CSMD1: variants seen among roughly 807,000 people sequenced by gnomAD.
The protein encoded by CSMD1 is CUB and Sushi multiple domains 1, also known as CUB and sushi domain-containing protein 1.
In CSMD1, 213 loss-of-function variants were observed where a neutral mutation model predicts 417.5. The ratio of observed to expected loss-of-function variants is 0.51; its 90% confidence interval spans 0.46 to 0.57. The LOEUF is 0.57. Among genes scored for constraint, CSMD1 ranks in the 20% least tolerant of loss-of-function variants. The pLI is 0.00. For missense variants in CSMD1, 6,923 were observed against 4,529.7 expected (o/e 1.53, Z -15.17); for synonymous variants, 2,862 against 1,736.8 (o/e 1.65, Z -16.11).
chr8:4,581,059 G>T (rs751451537), intron 2 of CSMD1, among the ~76,000 whole-genome samples: 3 of 152,128 alleles, frequency 2.0e-5, no homozygotes, highest in Non-Finnish European at 4.4e-5. Context: ...GACTGCATAT[G>T]AAACTAGTTT....
Position 2,973,268 on chromosome 8 carries a change from C to G in CSMD1, c.8772G>C (p.Gly2924=), listed in dbSNP as rs765458735. 6.2e-7 allele frequency: 1 copy of G among 1,613,848 alleles called. No homozygotes were observed. The highest frequency in any genetic ancestry group is 2.2e-5 in the East Asian group (1 of 44,880). Reference sequence around the variant, plus strand: ...CAAGCCGAGACCCATGTGCTGGGGTCCCCGGATCACCACAGAATCCAGGAT... The same window carrying G: ...CAAGCCGAGACCCATGTGCTGGGGTGCCCGGATCACCACAGAATCCAGGAT... ...GNNPGFCGDP[G]TPAHGSRLGD... The change falls in exon 57 of 70, where the codon GGG becomes GGC. Residue 2924 remains glycine (G), a synonymous_variant. Coordinates refer to ENST00000635120, the MANE Select transcript of CSMD1 (RefSeq NM_033225.6).
chr8:3,234,829 C>T (rs1799055000), intron 26 of CSMD1, among the ~76,000 whole-genome samples: 1 of 152,158 alleles, frequency 6.6e-6, no homozygotes, highest in African/African-American at 2.4e-5. Flanking sequence ...AAAGGGGTAC[C>T]CTTCCTGAAC....
intron 3 of CSMD1, among the ~76,000 whole-genome samples, chr8:4,156,912 C>T (rs191727498): frequency 6.6e-5 from 10 of 152,222 alleles, no homozygotes; most frequent in Non-Finnish European, 1.3e-4. Context: ...CTTACCTCTC[C>T]GGACATTTGT....
In CSMD1 at chr8:3,214,420, T is replaced by A. The variant is rs966988037; in HGVS notation, c.4867+77A>T. ...GATGAGAGGAATACGTGTTGAAATG[T>A]GAAACCATTTCTTCAATGAGATGCT... is the stretch of plus-strand genomic sequence containing the variant. On this transcript the variant is annotated intron_variant, in intron 30 of 69. Transcript: ENST00000635120. The A allele has an allele frequency of 2.4e-6, 3 of 1,262,702 alleles. No individual in the cohort carries two copies. In the East Asian group the frequency reaches 7.7e-5, roughly 32 times the overall value. 78.2% of individuals were successfully genotyped at this position (1,262,702 alleles called of 1,614,324 possible).
intron 23 of CSMD1, among the ~76,000 whole-genome samples, chr8:3,341,197 G>C (rs150356400): frequency 0.012 from 1,856 of 152,182 alleles, 35 homozygotes; most frequent in African/African-American, 0.042. Context: ...GGGTGAGGGA[G>C]GGTGGACATC....
intron 3 of CSMD1, among the ~76,000 whole-genome samples, chr8:4,209,550 C>T (rs1800182629): frequency 6.6e-6 from 1 of 152,200 alleles, no homozygotes; most frequent in Admixed American, 6.5e-5. Context: ...TCCTTGCTGC[C>T]ATGCTGCCTC....
At chr8:3,485,198 T>C (rs1208387490) in intron 11 of CSMD1, among the ~76,000 whole-genome samples, 2 of 152,186 alleles carry the variant, frequency 1.3e-5, no homozygotes, top group East Asian at 3.8e-4. Context: ...TGTGGAACAT[T>C]CATACCTTGA....
intron 3 of CSMD1, among the ~76,000 whole-genome samples, chr8:4,236,039 G>GTTTTTTTTTTTTTTTTTTTTTTTT (rs869245155): frequency 6.3e-5 from 2 of 31,686 alleles, no homozygotes; most frequent in Admixed American, 3.1e-4. Flanking sequence ...TTTTTTGTTT[G>GTTTTTTTTTTTTTTTTTTTTTTTT]TTTTTTTTTT....
chr8:4,254,685 C>T (rs146971935), intron 3 of CSMD1, among the ~76,000 whole-genome samples: 18 of 152,244 alleles, frequency 1.2e-4, no homozygotes, highest in African/African-American at 3.4e-4. Context: ...ACGTTTCACT[C>T]CATATTTTTA....
At chr8:4,988,951 C>G (rs1279337710) in intron 1 of CSMD1, among the ~76,000 whole-genome samples, 1 of 152,146 alleles carries the variant, frequency 6.6e-6, no homozygotes, top group Admixed American at 6.5e-5. Flanking sequence ...CCGTTACTTA[C>G]CAACCTCAGT....
chr8:4,418,818 T>C (rs545042821), intron 3 of CSMD1, among the ~76,000 whole-genome samples: 4 of 152,288 alleles, frequency 2.6e-5, no homozygotes, highest in East Asian at 3.9e-4. Flanking sequence ...TTAAAGGTGA[T>C]AGACCCTTTC....
intron 1 of CSMD1, among the ~76,000 whole-genome samples, chr8:4,852,599 T>C (rs977194415): frequency 6.6e-6 from 1 of 152,166 alleles, no homozygotes; most frequent in African/African-American, 2.4e-5. Context: ...AGGAGTGGGA[T>C]GTTGCTATAA....
chr8:3,977,315 C>T (rs1287727269), intron 5 of CSMD1, among the ~76,000 whole-genome samples: 1 of 152,126 alleles, frequency 6.6e-6, no homozygotes, highest in Non-Finnish European at 1.5e-5. Flanking sequence ...CATTTCATTC[C>T]TTTCCCAATG....
chr8:3,535,924 G>C (rs1798177828), intron 10 of CSMD1, among the ~76,000 whole-genome samples: 1 of 152,110 alleles, frequency 6.6e-6, no homozygotes, highest in Non-Finnish European at 1.5e-5. Context: ...CTGCTTCAAG[G>C]CTAGCAGGAG....
At chr8:3,275,701 T>G (rs183146765) in intron 26 of CSMD1, among the ~76,000 whole-genome samples, 10,650 of 152,276 alleles carry the variant, frequency 0.07, 505 homozygotes, top group Non-Finnish European at 0.1. Flanking sequence ...ACTGATACCA[T>G]TTCTTCCAGT....
chr8:4,377,145 A>T (rs1489461072), intron 3 of CSMD1, among the ~76,000 whole-genome samples: 2 of 152,076 alleles, frequency 1.3e-5, no homozygotes, highest in African/African-American at 4.8e-5. Flanking sequence ...TTTCATTTTT[A>T]TGTGTTTTAA....
At chr8:4,141,912 G>C (rs915148846) in intron 3 of CSMD1, among the ~76,000 whole-genome samples, 2 of 151,040 alleles carry the variant, frequency 1.3e-5, no homozygotes, top group Non-Finnish European at 2.9e-5. Flanking sequence ...GAACTTCTTA[G>C]AGTGTGATAT....
chr8:3,986,367 C>G (rs542542872), intron 5 of CSMD1, among the ~76,000 whole-genome samples: 5 of 152,232 alleles, frequency 3.3e-5, no homozygotes, highest in South Asian at 4.1e-4. Flanking sequence ...CTGAGACACC[C>G]CCAGCCAACC....
intron 3 of CSMD1, among the ~76,000 whole-genome samples, chr8:4,062,808 G>C (rs746608297): frequency 4.0e-5 from 6 of 151,868 alleles, no homozygotes; most frequent in African/African-American, 1.5e-4. Flanking sequence ...TCAGCATCAC[G>C]GATGTCTGAC....
Sources: gnomAD v4.1 joint callset for allele counts (sites outside exome capture counted in the v4.1 genomes callset) on GRCh38, gnomAD v4.1.1 for gene constraint, MANE v1.5 for transcripts, NCBI Gene and HGNC (gene_info 2026-07-23, HGNC 2026-07-21) for gene names.